PCDH9: variants seen among roughly 807,000 people sequenced by gnomAD.
The protein encoded by PCDH9 is protocadherin 9.
A neutral mutation model predicts 70.6 loss-of-function variants in PCDH9; 24 were observed. The ratio of observed to expected loss-of-function variants is 0.34; its 90% CI spans 0.25 to 0.48. The LOEUF (loss-of-function observed/expected upper bound fraction) is 0.48, where lower values mean the gene tolerates loss of function less well. Among genes scored for constraint, PCDH9 ranks in the 20% least tolerant of loss-of-function variants. PCDH9 has a pLI of 0.99. For synonymous variants in PCDH9, 562 were observed against 558.5 expected (o/e 1.01, Z -0.09); for missense variants, 1,281 against 1,503.6 (o/e 0.85, Z 2.45).
At chr13:66,546,545 T>C (rs1961210827) in intron 4 of PCDH9, among the ~76,000 whole-genome samples, 1 of 152,146 alleles carries the variant, frequency 6.6e-6, no homozygotes, top group African/African-American at 2.4e-5. Flanking sequence ...AGAGTAAAAA[T>C]GTTAAAAAAG....
chr13:66,671,405 G>C (rs1182240243), intron 3 of PCDH9, among the ~76,000 whole-genome samples: 1 of 152,180 alleles, frequency 6.6e-6, no homozygotes, highest in Non-Finnish European at 1.5e-5. Context: ...ATCAGAAGAA[G>C]ACAGGAAAAT....
Position 67,227,272 on chromosome 13 carries a change from T to C in PCDH9, c.1169A>G (p.Asp390Gly). The C allele has an allele frequency of 6.2e-7, 1 of 1,613,362 alleles. No individual in the cohort carries two copies. The highest frequency in any genetic ancestry group is 8.5e-7 in the Non-Finnish European group (1 of 1,179,316). Residue 390 changes from aspartate (D) to glycine (G), a missense_variant, in exon 2 of 5, where the codon GAT becomes GGT. Coordinates refer to ENST00000377865, the MANE Select transcript of PCDH9 (RefSeq NM_203487.3). The surrounding 1 kb of genome is among the most constrained non-coding windows in gnomAD (Gnocchi z 4.6). ...TTTGCCATTCACATCTGTGTCCTTA[T>C]CTGAAACTGTAATTAGGGCAATCTT... Reference protein sequence around the residue: ...NTKIALITVSDKDTDVNGKVI... With the variant: ...NTKIALITVSGKDTDVNGKVI...
At chr13:66,588,194 C>T (rs985251282) in intron 4 of PCDH9, among the ~76,000 whole-genome samples, 7 of 151,900 alleles carry the variant, frequency 4.6e-5, no homozygotes, top group African/African-American at 1.7e-4. Context: ...CTACATGCCA[C>T]TCTTGTTAAT....
chr13:67,166,716 A>C (rs1166679606), intron 2 of PCDH9, among the ~76,000 whole-genome samples: 1 of 152,170 alleles, frequency 6.6e-6, no homozygotes, highest in Admixed American at 6.6e-5. Context: ...TGGTAGTAAG[A>C]GAAATAAAGT....
chr13:67,157,759 A>G (rs889526149), intron 2 of PCDH9, among the ~76,000 whole-genome samples: 4 of 152,336 alleles, frequency 2.6e-5, no homozygotes, highest in Non-Finnish European at 5.9e-5. Flanking sequence ...TTTTCCTGTG[A>G]TCAGAAGGGC....
chr13:66,999,812 T>C (rs929913350), intron 2 of PCDH9, among the ~76,000 whole-genome samples: 6 of 152,156 alleles, frequency 3.9e-5, no homozygotes, highest in African/African-American at 1.2e-4. Flanking sequence ...AGAATGGCAA[T>C]CATTAAAAAG....
intron 4 of PCDH9, among the ~76,000 whole-genome samples, chr13:66,610,960 T>C (rs535400954): frequency 4.4e-4 from 67 of 152,304 alleles, no homozygotes; most frequent in Middle Eastern, 3.4e-3. Flanking sequence ...AAAGATAATG[T>C]ACTCCCTTTC....
chr13:66,493,747 G>A (rs1471236415), intron 4 of PCDH9, among the ~76,000 whole-genome samples: 1 of 152,068 alleles, frequency 6.6e-6, no homozygotes, highest in Non-Finnish European at 1.5e-5. Context: ...TATAATCAAA[G>A]TTTGAAGGAT....
At chr13:66,416,271 G>A (rs1957458621) in intron 4 of PCDH9, among the ~76,000 whole-genome samples, 1 of 150,968 alleles carries the variant, frequency 6.6e-6, no homozygotes, top group Non-Finnish European at 1.5e-5. Context: ...TAATTCATGT[G>A]CCCCAGGAAT....
intron 2 of PCDH9, among the ~76,000 whole-genome samples, chr13:66,921,839 G>C (rs1469975077): frequency 6.6e-6 from 1 of 151,332 alleles, no homozygotes; most frequent in Non-Finnish European, 1.5e-5. Flanking sequence ...ACGATTCTAA[G>C]AGTAATAGTT....
chr13:66,574,943 T>C (rs1566429388), intron 4 of PCDH9, among the ~76,000 whole-genome samples: 1 of 152,016 alleles, frequency 6.6e-6, no homozygotes, highest in Non-Finnish European at 1.5e-5. Context: ...GAGGCTGAGA[T>C]GGGAAGATCA....
At chr13:66,689,846 C>T (rs2078457408) in intron 3 of PCDH9, among the ~76,000 whole-genome samples, 1 of 152,172 alleles carries the variant, frequency 6.6e-6, no homozygotes, top group Non-Finnish European at 1.5e-5. Context: ...GTACTATCCA[C>T]TTGAGAAAAA....
chr13:67,076,139 G>A (rs565899532), intron 2 of PCDH9, among the ~76,000 whole-genome samples: 1 of 152,206 alleles, frequency 6.6e-6, no homozygotes, highest in African/African-American at 2.4e-5. Flanking sequence ...GGGAGTGGAG[G>A]CGAAAGGCAT....
chr13:67,212,121 C>A (rs943996274), intron 2 of PCDH9: 3 of 151,906 alleles, frequency 2.0e-5, no homozygotes, highest in African/African-American at 7.3e-5. Flanking sequence ...AACACCTTTG[C>A]CTGTAGAAGG....
intron 4 of PCDH9, among the ~76,000 whole-genome samples, chr13:66,355,921 T>A (rs1471413404): frequency 1.3e-5 from 2 of 152,140 alleles, no homozygotes; most frequent in African/African-American, 2.4e-5. Context: ...TTCACAATGA[T>A]GTCTTCTCTG....
intron 4 of PCDH9, among the ~76,000 whole-genome samples, chr13:66,544,109 A>G (rs1486639334): frequency 6.6e-6 from 1 of 152,190 alleles, no homozygotes; most frequent in Admixed American, 6.5e-5. Context: ...TATACTTATG[A>G]TATACAGGAC....
chr13:66,621,594 C>A (rs1190097055), intron 4 of PCDH9, among the ~76,000 whole-genome samples: 1 of 152,148 alleles, frequency 6.6e-6, no homozygotes, highest in African/African-American at 2.4e-5. Context: ...TGGCTTCAGG[C>A]AAAGCACTTT....
intron 4 of PCDH9, among the ~76,000 whole-genome samples, chr13:66,417,786 T>G (rs1721081960): frequency 6.6e-6 from 1 of 152,248 alleles, no homozygotes; most frequent in Admixed American, 6.5e-5. Flanking sequence ...ATATGTTTGT[T>G]GGCCGCATAA....
intron 2 of PCDH9, among the ~76,000 whole-genome samples, chr13:67,124,187 A>G (rs1025805950): frequency 1.3e-5 from 2 of 152,196 alleles, no homozygotes; most frequent in Non-Finnish European, 2.9e-5. Context: ...GTAGTATGCT[A>G]TACTGCTATC....
Sources: gnomAD v4.1 joint callset for allele counts (sites outside exome capture counted in the v4.1 genomes callset) on GRCh38, gnomAD v4.1.1 for gene constraint, Gnocchi (gnomAD v3.1) non-coding constraint, MANE v1.5 for transcripts, NCBI Gene and HGNC (gene_info 2026-07-23, HGNC 2026-07-21) for gene names.